XRN1: variants seen among roughly 807,000 people sequenced by gnomAD.
The protein encoded by XRN1 is 5'-3' exoribonuclease 1.
In XRN1, 67 loss-of-function variants were observed where a neutral mutation model predicts 222.3. That is an observed-to-expected ratio of 0.30 (90% confidence interval 0.25 to 0.37). The LOEUF is 0.37. Ranked by LOEUF, XRN1 falls within the 10% of genes least tolerant of loss-of-function variation. The pLI is 1.00. For synonymous variants in XRN1, 643 were observed against 652.4 expected (o/e 0.99, Z 0.22); for missense variants, 1,707 against 2,000.2 (o/e 0.85, Z 2.80).
chr3:142,426,683 A>T (rs2069265446), intron 3 of XRN1, 61 bp downstream of exon 3: 1 of 1,500,260 alleles, frequency 6.7e-7, no homozygotes, highest in South Asian at 1.2e-5. Context: ...AAATACATTT[A>T]AAAACCAAGT....
intron 20 of XRN1, among the ~76,000 whole-genome samples, chr3:142,391,141 C>T (rs2067696359): frequency 6.6e-6 from 1 of 152,020 alleles, no homozygotes; most frequent in Admixed American, 6.6e-5. Context: ...CAAAATGTGA[C>T]ACACAGGCAT....
At chr3:142,399,314 T>G (rs892605262) in intron 19 of XRN1, among the ~76,000 whole-genome samples, 2 of 150,182 alleles carry the variant, frequency 1.3e-5, no homozygotes, top group Non-Finnish European at 3.0e-5. Context: ...CAAGCCAATG[T>G]GTTACTGGCA....
chr3:142,439,741 A>T (rs537635202), intron 1 of XRN1, among the ~76,000 whole-genome samples: 8 of 130,424 alleles, frequency 6.1e-5, no homozygotes, highest in Non-Finnish European at 1.2e-4. Flanking sequence ...GGAACAGGAC[A>T]AACGGGATTA....
At chr3:142,420,832 G>A (rs909281087) in intron 10 of XRN1, among the ~76,000 whole-genome samples, 184 bp downstream of exon 10, 2 of 151,902 alleles carry the variant, frequency 1.3e-5, no homozygotes, top group South Asian at 2.1e-4. Context: ...GATTATTGAA[G>A]ATCTCATTAA....
chr3:142,370,706 ATAAT>A lies in XRN1; in HGVS notation c.3069-90_3069-87del, dbSNP rs1333922329. Reference sequence around the variant, plus strand: ...AAAAGACATAAAACTTATATAACTAATAATTAGTCACTGAACTTAATCGGGACTA... The same window carrying A: ...AAAAGACATAAAACTTATATAACTAATAGTCACTGAACTTAATCGGGACTA... On this transcript the variant is annotated intron_variant, in intron 26 of 40. Coordinates refer to ENST00000392981, the MANE Select transcript of XRN1 (RefSeq NM_001282857.2). 6.4e-5 allele frequency: 74 copies of A among 1,154,656 alleles called. No homozygotes were observed. In the East Asian group the frequency reaches 2.0e-3, roughly 31 times the overall value. The allele number at this position is 1,154,656 out of a possible 1,614,324, so 71.5% of individuals were successfully genotyped here. A position where few individuals can be genotyped will look rare whatever the true frequency, so the allele number is the denominator to read the frequency against.
chr3:142,336,160 G>A (rs2107935353), intron 33 of XRN1, among the ~76,000 whole-genome samples: 1 of 152,124 alleles, frequency 6.6e-6, no homozygotes, highest in East Asian at 1.9e-4. Context: ...TGAAGATGAA[G>A]GAGATAGGAA....
At chr3:142,353,485 C>A (rs1199348906) in intron 32 of XRN1, among the ~76,000 whole-genome samples, 1 of 152,114 alleles carries the variant, frequency 6.6e-6, no homozygotes, top group Non-Finnish European at 1.5e-5. Flanking sequence ...CAAAAACAGA[C>A]ACAAAGACCA....
chr3:142,435,762 CA>C (rs1176485060), intron 1 of XRN1, among the ~76,000 whole-genome samples: 1,339 of 58,542 alleles, frequency 0.023, 13 homozygotes, highest in African/African-American at 0.07. Flanking sequence ...CCCCACCCCC[CA>C]AAAAAAAAAA....
intron 20 of XRN1, among the ~76,000 whole-genome samples, chr3:142,388,324 G>T (rs1249028600): frequency 6.6e-6 from 1 of 152,060 alleles, no homozygotes; most frequent in African/African-American, 2.4e-5. Context: ...TTACTTTATT[G>T]TAAGAACACA....
chr3:142,423,064 C>T, intron 6 of XRN1, 142 bp from the exon 7 acceptor site: 1 of 650,968 alleles, frequency 1.5e-6, no homozygotes, highest in Non-Finnish European at 2.7e-6. Flanking sequence ...ATGAAGGTTG[C>T]AGGGTAACAA....
At chr3:142,331,991 G>T (rs1450830216) in intron 36 of XRN1, among the ~76,000 whole-genome samples, 1 of 152,076 alleles carries the variant, frequency 6.6e-6, no homozygotes, top group African/African-American at 2.4e-5. Flanking sequence ...GCCCAGGCTG[G>T]TCTTGAACTC....
chr3:142,337,658 A>C (rs1192863403), intron 33 of XRN1, among the ~76,000 whole-genome samples: 1 of 152,196 alleles, frequency 6.6e-6, no homozygotes. Context: ...TAAACATATA[A>C]ATTATGTGAG....
intron 37 of XRN1, among the ~76,000 whole-genome samples, chr3:142,327,977 T>C (rs2065568104): frequency 1.3e-5 from 2 of 152,196 alleles, no homozygotes; most frequent in South Asian, 4.1e-4. Context: ...TCCATCCATG[T>C]TGCTGCAAAA....
chr3:142,332,357 A>G lies in XRN1; in HGVS notation c.4222+18T>C. ...TTTTTAAAATGATATTATTGGTAAT[A>G]GTATTTAGTTTACTTACCTAATTTC... On this transcript the variant is annotated intron_variant, in intron 36 of 40. Coordinates refer to ENST00000392981, the MANE Select transcript of XRN1 (RefSeq NM_001282857.2). 1 of 1,517,576 alleles carries G rather than the reference A, an allele frequency of 6.6e-7. No homozygotes were observed. The highest frequency in any genetic ancestry group is 9.0e-7 in the Non-Finnish European group (1 of 1,108,062). 94.0% of individuals were successfully genotyped at this position (1,517,576 alleles called of 1,614,324 possible). A position where few individuals can be genotyped will look rare whatever the true frequency, so the allele number is the denominator to read the frequency against.
chr3:142,400,670 G>A (rs1377175001), intron 18 of XRN1, 123 bp from the exon 19 acceptor site: 5 of 659,194 alleles, frequency 7.6e-6, no homozygotes, highest in African/African-American at 5.5e-5. Context: ...TTGGGGCCGG[G>A]TGCAGTGACT....
At chr3:142,328,534 G>A (rs1350079912) in intron 37 of XRN1, among the ~76,000 whole-genome samples, 1 of 150,748 alleles carries the variant, frequency 6.6e-6, no homozygotes, top group Non-Finnish European at 1.5e-5. Flanking sequence ...AATTTTGTGA[G>A]ACTTGTTTTG....
chr3:142,380,265 C>T (rs2067263567), intron 22 of XRN1, 85 bp from the exon 23 acceptor site: 1 of 1,125,598 alleles, frequency 8.9e-7, no homozygotes, highest in Admixed American at 2.3e-5. Flanking sequence ...TTTTGAAATA[C>T]AGTATGACAA....
intron 25 of XRN1, among the ~76,000 whole-genome samples, chr3:142,375,153 T>C (rs1398435044): frequency 2.6e-5 from 4 of 152,164 alleles, no homozygotes; most frequent in Non-Finnish European, 5.9e-5. Context: ...GACAATAAAT[T>C]TCTGTTGTTT....
intron 10 of XRN1, among the ~76,000 whole-genome samples, chr3:142,420,037 G>A (rs1335886833): frequency 1.3e-5 from 2 of 151,948 alleles, no homozygotes; most frequent in Admixed American, 1.3e-4. Context: ...TGTGGTTTTT[G>A]CCATTACTAT....
Sources: allele counts gnomAD v4.1 joint callset (sites outside exome capture counted in the v4.1 genomes callset), GRCh38; gene constraint gnomAD v4.1.1; transcripts MANE v1.5; gene names NCBI Gene and HGNC (gene_info 2026-07-23, HGNC 2026-07-21).